SPHK2: variants seen among roughly 807,000 people sequenced by gnomAD.
The protein encoded by SPHK2 is sphingosine kinase 2.
SPHK2 carries 18 observed loss-of-function variants against 32.3 expected under a neutral mutation model. The ratio of observed to expected loss-of-function variants is 0.56; its 90% CI spans 0.39 to 0.83. SPHK2 has a LOEUF of 0.83. Among genes scored for constraint, SPHK2 ranks in the 40% least tolerant of loss-of-function variants. The pLI is 0.00. For missense variants in SPHK2, 850 were observed against 908.7 expected, an observed-to-expected ratio of 0.94 and a Z score of 0.83; for synonymous variants, 462 against 417.6, an observed-to-expected ratio of 1.11 and a Z score of -1.30.
In SPHK2 at chr19:48,627,804, C is replaced by T. The variant is rs762545698; in HGVS notation, c.624C>T (p.Ile208=). ...QWCKNHVLPM[I]SEAGLSFNLI... is the part of the protein sequence containing the mutation. ...GTAAGAACCACGTGCTTCCCATGATCTCTGAAGCTGGGCTGTCCTTCAACC... is the reference window on the plus strand; with the variant it reads ...GTAAGAACCACGTGCTTCCCATGATTTCTGAAGCTGGGCTGTCCTTCAACC... Residue 208 remains isoleucine, a synonymous_variant, in exon 4 of 7, where the codon ATC becomes ATT. Coordinates refer to ENST00000245222, the MANE Select transcript of SPHK2 (RefSeq NM_020126.5). The T allele has an allele frequency of 2.5e-6, 4 of 1,613,610 alleles. No homozygotes were observed. In the African/African-American group the frequency reaches 4.0e-5, roughly 16 times the overall value.
chr19:48,628,054 C>A lies in SPHK2; in HGVS notation c.741C>A (p.Asp247Glu). The change falls in exon 5 of 7, where the codon GAC (aspartate) becomes GAA (glutamate). Residue 247 changes from aspartate to glutamate, a missense_variant. By Grantham distance (45) the Asp-to-Glu change is conservative. Transcript: ENST00000245222. The surrounding 1 kb of genome is among the most constrained non-coding windows in gnomAD (Gnocchi z 5.2). Reference sequence around the variant, plus strand: ...ATGGCATCGTCACGGTCTCGGGAGACGGGCTGCTCCATGAGGTAGAGCAGG... The same window carrying A: ...ATGGCATCGTCACGGTCTCGGGAGAAGGGCTGCTCCATGAGGTAGAGCAGG... ...EWDGIVTVSG[D>E]GLLHEVLNGL... 6.3e-7 allele frequency: 1 copy of A among 1,591,424 alleles called. No homozygotes were observed. The highest frequency in any genetic ancestry group is 8.6e-7 in the Non-Finnish European group (1 of 1,165,134).
At chr19:48,624,870 G>A (rs1242902567) in intron 2 of SPHK2, 1 of 978,232 alleles carries the variant, frequency 1.0e-6, no homozygotes, top group African/African-American at 1.8e-5. Context: ...GTCCACAGGC[G>A]GTGGGGGGTG....
chr19:48,623,468 C>G, intron 2 of SPHK2: 1 of 152,242 alleles, frequency 6.6e-6, no homozygotes, highest in South Asian at 2.1e-4. Flanking sequence ...GTTTCTAAGT[C>G]TCCTAATATA....
chr19:48,620,870 G>A (rs1974376131), intron 2 of SPHK2: 1 of 245,632 alleles, frequency 4.1e-6, no homozygotes, highest in Non-Finnish European at 8.1e-6. Context: ...GTTGCAGTGA[G>A]CCGAGATCGC....
intron 2 of SPHK2, 50 bp from the exon 3 acceptor site, chr19:48,625,841 C>A: frequency 6.3e-7 from 1 of 1,587,098 alleles, no homozygotes; most frequent in East Asian, 2.3e-5. Flanking sequence ...CCTCCCTGCC[C>A]CTGCCATGGG....
At chr19:48,619,829 G>C (rs1457052190) in intron 1 of SPHK2, 4 of 153,644 alleles carry the variant, frequency 2.6e-5, no homozygotes, top group Non-Finnish European at 5.8e-5. Context: ...TTTCATAGGG[G>C]AGGCAAAATG....
intron 2 of SPHK2, 139 bp downstream of exon 2, chr19:48,620,692 G>A: frequency 1.4e-6 from 1 of 690,088 alleles, no homozygotes; most frequent in Non-Finnish European, 2.4e-6. Context: ...GGGAGGCCAA[G>A]GCCTGCGGAT....
rs2147676880 is a variant in SPHK2, at chr19:48,624,060, T to A, written c.40-1831T>A. On this transcript the variant is annotated intron_variant, in intron 2 of 6. Coordinates refer to ENST00000245222, the MANE Select transcript of SPHK2 (RefSeq NM_020126.5). ...GTCTCTGTCTTTGCAGCTAAAGACC[T>A]CCTCCCTCACGCCCCTTTTCTTTTG... 4 of 152,348 alleles carry A rather than the reference T, an allele frequency of 2.6e-5. No homozygotes were observed. The Middle Eastern group carries it at 0.014, about 518-fold the overall frequency. 9.4% of individuals were successfully genotyped at this position (152,348 alleles called of 1,614,324 possible). A position where few individuals can be genotyped will look rare whatever the true frequency, so the allele number is the denominator to read the frequency against.
Position 48,629,120 on chromosome 19 carries a change from C to T in SPHK2, c.1312C>T (p.Pro438Ser). 1 of 1,613,474 alleles carries T rather than the reference C, an allele frequency of 6.2e-7. No homozygotes were observed. Among genetic ancestry groups the T allele is most frequent in the Non-Finnish European group, 8.5e-7 (1 of 1,179,858 alleles). ...GCCTGCCCTGGCCTCTCCTGGCTCG[C>T]CAGAACCCCTGCCCATCCTGTCCCT... ...PQPALASPGS[P>S]EPLPILSLNG... The change falls in exon 7 of 7, where the codon CCA becomes TCA. Residue 438 changes from proline (P) to serine (S), a missense_variant. Physicochemically the swap from Pro to Ser is moderately conservative, Grantham distance 74. Around this residue, in one of 2 missense-constraint regions of SPHK2, gnomAD observed 544 missense variants for 640.0 expected, o/e 0.85. Coordinates refer to ENST00000245222, the MANE Select transcript of SPHK2 (RefSeq NM_020126.5).
intron 2 of SPHK2, among the ~76,000 whole-genome samples, chr19:48,621,493 C>T (rs1415840801): frequency 6.6e-6 from 1 of 152,228 alleles, no homozygotes; most frequent in Non-Finnish European, 1.5e-5. Flanking sequence ...AGCTTACAGG[C>T]ATGAGCCACC....
At chr19:48,625,577 A>AT in intron 2 of SPHK2, 2 of 1,402,044 alleles carry the variant, frequency 1.4e-6, no homozygotes, top group Non-Finnish European at 9.4e-7. Context: ...GAAGGCAAGG[A>AT]TTTGGGGCTA....
rs759880275 is a variant in SPHK2, at chr19:48,629,086, C to G, written c.1278C>G (p.Pro426=). 15 of 1,613,498 alleles carry G rather than the reference C, an allele frequency of 9.3e-6. No homozygotes were observed. In the South Asian group the frequency reaches 1.5e-4, roughly 17 times the overall value. ...LHRSVSDLPL[P]LPQPALASPG... ...GTTCTGTGTCTGACCTGCCTCTTCCCCTGCCCCAGCCTGCCCTGGCCTCTC... is the reference window on the plus strand; with the variant it reads ...GTTCTGTGTCTGACCTGCCTCTTCCGCTGCCCCAGCCTGCCCTGGCCTCTC... Residue 426 remains proline, a synonymous_variant, in exon 7 of 7, where the codon CCC becomes CCG. Coordinates refer to ENST00000245222, the MANE Select transcript of SPHK2 (RefSeq NM_020126.5).
intron 2 of SPHK2, among the ~76,000 whole-genome samples, chr19:48,621,559 T>A (rs2147669174): frequency 6.6e-6 from 1 of 152,242 alleles, no homozygotes; most frequent in South Asian, 2.1e-4. Flanking sequence ...TCCAGGCAGG[T>A]GTTCCAGTGG....
Position 48,629,529 on chromosome 19 carries a change from G to A in SPHK2, c.1721G>A (p.Gly574Asp), listed in dbSNP as rs2030378207. ...GTGCACCTGTGCTGGGTGCGTAGCGGCATCTCGCGGGCTGCGCTGCTGCGC... is the reference window on the plus strand; with the variant it reads ...GTGCACCTGTGCTGGGTGCGTAGCGACATCTCGCGGGCTGCGCTGCTGCGC... ...GLVHLCWVRS[G>D]ISRAALLRLF... The change falls in exon 7 of 7, where the codon GGC becomes GAC. Residue 574 changes from glycine to aspartate, a missense_variant. By Grantham distance (94) the Gly-to-Asp change is moderately conservative. This residue lies in a region of SPHK2 where 306 missense variants were observed against 268.6 expected (regional missense o/e 1.14). Coordinates refer to ENST00000245222, the MANE Select transcript of SPHK2 (RefSeq NM_020126.5). The A allele has an allele frequency of 2.5e-6, 4 of 1,604,324 alleles. No individual in the cohort carries two copies. Among genetic ancestry groups the A allele is most frequent in the East Asian group, 2.2e-5 (1 of 44,572 alleles).
intron 2 of SPHK2, chr19:48,625,142 G>C: frequency 1.0e-6 from 1 of 995,504 alleles, no homozygotes. Flanking sequence ...GCTCCTCTCG[G>C]ACCCCGTAGT....
At position 48,629,998 on chromosome 19, in the gene SPHK2, G is replaced by A. The variant is rs1238556494; in HGVS notation, c.*225G>A. ...CCGAGGGTAGTGCCTGATCAATGAGGGCGGGGCCTGGCGTCTGATCTGGGG... is the reference window on the plus strand; with the variant it reads ...CCGAGGGTAGTGCCTGATCAATGAGAGCGGGGCCTGGCGTCTGATCTGGGG... On this transcript the variant is annotated 3_prime_UTR_variant, in exon 7 of 7. Coordinates refer to ENST00000245222, the MANE Select transcript of SPHK2 (RefSeq NM_020126.5). 2.9e-6 allele frequency: 4 copies of A among 1,376,582 alleles called. No homozygotes were observed. Among genetic ancestry groups the A allele is most frequent in the Non-Finnish European group, 2.8e-6 (3 of 1,068,810 alleles). 85.3% of individuals were successfully genotyped at this position (1,376,582 alleles called of 1,614,324 possible). A position where few individuals can be genotyped will look rare whatever the true frequency, so the allele number is the denominator to read the frequency against.
chr19:48,628,244 A>G lies in SPHK2; in HGVS notation c.839A>G (p.Asn280Ser). The change falls in exon 6 of 7, where the codon AAC (asparagine) becomes AGC (serine). Residue 280 changes from asparagine to serine, a missense_variant. Physicochemically the swap from Asn to Ser is conservative, Grantham distance 46. This residue lies in a region of SPHK2 where 544 missense variants were observed against 640.0 expected (regional missense o/e 0.85). Transcript: ENST00000245222. The surrounding 1 kb of genome is among the most constrained non-coding windows in gnomAD (Gnocchi z 5.2). Reference protein sequence around the residue: ...PVGILPCGSGNALAGAVNQHG... With the variant: ...PVGILPCGSGSALAGAVNQHG... ...GGCATCCTCCCCTGCGGCTCGGGCA[A>G]CGCGCTGGCCGGAGCAGTGAACCAG... 1.2e-6 allele frequency: 2 copies of G among 1,613,584 alleles called. No individual in the cohort carries two copies. Among genetic ancestry groups the G allele is most frequent in the Middle Eastern group, 1.7e-4 (1 of 6,060 alleles).
rs111982400 is a variant in SPHK2, at chr19:48,620,381, T to G, written c.-113-21T>G. 885 of 655,834 alleles carry G rather than the reference T, an allele frequency of 1.3e-3. 7 individuals are homozygous for G. The African/African-American group carries it at 0.014, about 11-fold the overall frequency. 40.6% of individuals were successfully genotyped at this position (655,834 alleles called of 1,614,324 possible). A position where few individuals can be genotyped will look rare whatever the true frequency, so the allele number is the denominator to read the frequency against. ...TGCAGTTGGCTGTCAATGCTGCTCC[T>G]CACTTACCTCTCCTCCACAGAGCTG... is the stretch of plus-strand genomic sequence containing the variant. On this transcript the variant is annotated intron_variant, in intron 1 of 6. Transcript: ENST00000245222.
In SPHK2 at chr19:48,620,486, G is replaced by C. The variant is rs375470352; in HGVS notation, c.-29G>C. 1.5e-5 allele frequency: 24 copies of C among 1,609,876 alleles called. No homozygotes were observed. Among genetic ancestry groups the C allele is most frequent in the Non-Finnish European group, 2.0e-5 (23 of 1,177,716 alleles). ...GCTTAAGACCCAGGGCCAGGGTCCC[G>C]TTGATGTAACAGAGCAGAGGACCAG... On this transcript the variant is annotated 5_prime_UTR_variant, in exon 2 of 7. Coordinates refer to ENST00000245222, the MANE Select transcript of SPHK2 (RefSeq NM_020126.5).
Sources: gnomAD v4.1 joint callset for allele counts (sites outside exome capture counted in the v4.1 genomes callset) on GRCh38, gnomAD v4.1.1 for gene constraint, gnomAD v4.1.1 regional missense constraint, Gnocchi (gnomAD v3.1) non-coding constraint, MANE v1.5 for transcripts, NCBI Gene and HGNC (gene_info 2026-07-23, HGNC 2026-07-21) for gene names.